The following DLG2 variants were observed in gnomAD, a reference collection of about 807,000 sequenced individuals.
The protein encoded by DLG2 is disks large homolog 2.
DLG2 carries 45 observed loss-of-function variants against 132.5 expected under a neutral mutation model. That is an observed-to-expected ratio of 0.34 (90% CI 0.27 to 0.44). The LOEUF (loss-of-function observed/expected upper bound fraction) is 0.44, where lower values mean the gene tolerates loss of function less well. Ranked by LOEUF, DLG2 falls within the 20% of genes least tolerant of loss-of-function variation. The pLI, the probability that DLG2 is intolerant of heterozygous loss-of-function variation, is 1.00. For synonymous variants in DLG2, 424 were observed against 419.6 expected (o/e 1.01, Z -0.13); for missense variants, 1,045 against 1,196.9 (o/e 0.87, Z 1.87).
Position 83,668,871 on chromosome 11 carries a change from T to A in DLG2, c.1826-35546A>T, listed in dbSNP as rs556765008. ...CACACATATATATATATATATATTT[T>A]TTTTTTATGATAGACTATGAGCTTC... On this transcript the variant is annotated intron_variant, in intron 18 of 27. Coordinates refer to ENST00000376104, the MANE Select transcript of DLG2 (RefSeq NM_001142699.3). Among the ~76,000 whole-genome samples the A allele has an allele frequency of 2.1e-4, 31 of 146,312 alleles. 2 individuals carry two copies. In the South Asian group the frequency reaches 2.3e-3, roughly 11 times the overall value.
In DLG2 at chr11:84,106,358, A is replaced by T. The variant is rs577108310; in HGVS notation, c.625-7311T>A. On this transcript the variant is annotated intron_variant, in intron 9 of 27. Coordinates refer to ENST00000376104, the MANE Select transcript of DLG2 (RefSeq NM_001142699.3). Reference sequence around the variant, plus strand: ...CTGTCTCATGTTACGATATCTAAAGATGAACAGCCCCAGGTCTATTACTAG... The same window carrying T: ...CTGTCTCATGTTACGATATCTAAAGTTGAACAGCCCCAGGTCTATTACTAG... 5.9e-5 allele frequency among the ~76,000 whole-genome samples: 9 copies of T among 152,296 alleles called. 1 individual carries two copies. The highest frequency in any genetic ancestry group is 2.2e-4 in the African/African-American group (9 of 41,576).
intron 7 of DLG2, among the ~76,000 whole-genome samples, chr11:84,398,228 G>T (rs2098817422): frequency 6.6e-6 from 1 of 152,146 alleles, no homozygotes; most frequent in Non-Finnish European, 1.5e-5. Context: ...ACCTGCAGAG[G>T]GAGTGCTGGC....
At chr11:83,557,394 C>T (rs75077487) in intron 19 of DLG2, among the ~76,000 whole-genome samples, 2,534 of 152,190 alleles carry the variant, frequency 0.017, 91 homozygotes, top group African/African-American at 0.058. Context: ...AACCACAGAG[C>T]GAAGGGAAAA....
At chr11:83,928,490 C>T (rs1000394690) in intron 15 of DLG2, among the ~76,000 whole-genome samples, 18 of 150,836 alleles carry the variant, frequency 1.2e-4, no homozygotes, top group Non-Finnish European at 7.4e-5. Flanking sequence ...AAAAGGAACA[C>T]AGGATAAAAA....
At chr11:84,305,566 G>C (rs2098207272) in intron 7 of DLG2, among the ~76,000 whole-genome samples, 1 of 152,088 alleles carries the variant, frequency 6.6e-6, no homozygotes, top group African/African-American at 2.4e-5. Flanking sequence ...TGTCAAAATA[G>C]GGCATGCCAG....
intron 6 of DLG2, among the ~76,000 whole-genome samples, chr11:84,701,398 A>C (rs567412239): frequency 2.0e-5 from 3 of 151,640 alleles, no homozygotes; most frequent in African/African-American, 7.2e-5. Context: ...GCCTTTCTTC[A>C]TTCAAGTTAT....
chr11:84,111,213 T>C (rs1393376618), intron 9 of DLG2, among the ~76,000 whole-genome samples: 1 of 152,248 alleles, frequency 6.6e-6, no homozygotes. Context: ...AATCCTTGTA[T>C]AAACTGAATT....
At chr11:84,473,047 C>T (rs963355314) in intron 7 of DLG2, among the ~76,000 whole-genome samples, 3 of 151,900 alleles carry the variant, frequency 2.0e-5, no homozygotes, top group African/African-American at 7.2e-5. Context: ...TGTGTCTAGT[C>T]TAATCTCCTT....
At position 85,358,593 on chromosome 11, in the gene DLG2, C is replaced by T. The variant is rs539616480; in HGVS notation, c.41-73228G>A. Among the ~76,000 whole-genome samples the T allele has an allele frequency of 1.4e-4, 21 of 152,334 alleles. No homozygotes were observed. In the South Asian group the frequency reaches 4.3e-3, roughly 32 times the overall value. On this transcript the variant is annotated intron_variant, in intron 3 of 27. Coordinates refer to ENST00000376104, the MANE Select transcript of DLG2 (RefSeq NM_001142699.3). ...GTGTTCAAGGCAAAGACTATAAAAT[C>T]AGAGCCAGTATAATTTAGCACATGC...
Position 85,285,407 on chromosome 11 carries a change from G to A in DLG2, c.41-42C>T, listed in dbSNP as rs751689886. 4 of 1,586,288 alleles carry A rather than the reference G, an allele frequency of 2.5e-6. No homozygotes were observed. The South Asian group carries it at 3.4e-5, about 13-fold the overall frequency. On this transcript the variant is annotated intron_variant, in intron 3 of 27. Coordinates refer to ENST00000376104, the MANE Select transcript of DLG2 (RefSeq NM_001142699.3). ...AGGAAAGCATCAAAATGTAATGCATGACTTCATAAATAGCTTCTGCATATA... is the reference window on the plus strand; with the variant it reads ...AGGAAAGCATCAAAATGTAATGCATAACTTCATAAATAGCTTCTGCATATA...
intron 7 of DLG2, among the ~76,000 whole-genome samples, chr11:84,299,773 C>G (rs933797125): frequency 1.3e-5 from 2 of 152,188 alleles, no homozygotes; most frequent in African/African-American, 4.8e-5. Context: ...AACGTACTTA[C>G]AGTCTTCAAC....
At chr11:84,619,190 A>C (rs1275056219) in intron 6 of DLG2, among the ~76,000 whole-genome samples, 2 of 151,930 alleles carry the variant, frequency 1.3e-5, no homozygotes, top group Admixed American at 6.6e-5. Flanking sequence ...TCTAGATATT[A>C]TTAAATCAGA....
intron 6 of DLG2, among the ~76,000 whole-genome samples, chr11:84,562,343 GA>G (rs1286587566): frequency 6.6e-6 from 1 of 151,668 alleles, no homozygotes; most frequent in Admixed American, 6.6e-5. Flanking sequence ...TTTTTAAAAA[GA>G]AAAAAAATTG....
chr11:84,800,660 A>AAAT (rs2075254732), intron 6 of DLG2: 1 of 152,144 alleles, frequency 6.6e-6, no homozygotes, highest in African/African-American at 2.4e-5. Flanking sequence ...ATAAGGCATA[A>AAAT]AATATTATTT....
At chr11:84,042,369 TG>T (rs1341818750) in intron 11 of DLG2, among the ~76,000 whole-genome samples, 1 of 151,856 alleles carries the variant, frequency 6.6e-6, no homozygotes, top group Non-Finnish European at 1.5e-5. Flanking sequence ...CTCTCATTAT[TG>T]TTCTTTTTAT....
intron 15 of DLG2, among the ~76,000 whole-genome samples, chr11:83,907,797 A>G (rs996817232): frequency 6.6e-6 from 1 of 152,152 alleles, no homozygotes; most frequent in African/African-American, 2.4e-5. Context: ...CCTGGAATTT[A>G]AGGCCCTCCA....
rs73511078 is a variant in DLG2, at chr11:83,779,894, C to G, written c.1825+6796G>C. 7.7e-3 allele frequency among the ~76,000 whole-genome samples: 1,172 copies of G among 152,240 alleles called. 14 individuals carry two copies. The highest frequency in any genetic ancestry group is 0.027 in the African/African-American group (1,125 of 41,560). The stretch of plus-strand genomic sequence containing the variant: ...GCGACAAAACTTTCAAGTAATGAAA[C>G]TTATGCTTCTATCTCACCTAAGTTG... On this transcript the variant is annotated intron_variant, in intron 18 of 27. Coordinates refer to ENST00000376104, the MANE Select transcript of DLG2 (RefSeq NM_001142699.3).
intron 3 of DLG2, among the ~76,000 whole-genome samples, chr11:85,465,119 A>AAAAAAAAAAAAAG (rs2092739932): frequency 3.2e-5 from 4 of 124,764 alleles, no homozygotes; most frequent in Non-Finnish European, 5.2e-5. Context: ...AAAAAAAAAA[A>AAAAAAAAAAAAAG]GAAGCAAGAT....
intron 22 of DLG2, among the ~76,000 whole-genome samples, chr11:83,480,825 C>CT (rs2093044058): frequency 6.6e-6 from 1 of 152,124 alleles, no homozygotes; most frequent in Non-Finnish European, 1.5e-5. Flanking sequence ...TTCTTGCAGG[C>CT]TTTTTTATTT....
Sources: gnomAD v4.1 joint callset for allele counts (sites outside exome capture counted in the v4.1 genomes callset) on GRCh38, gnomAD v4.1.1 for gene constraint, MANE v1.5 for transcripts, NCBI Gene and HGNC (gene_info 2026-07-23, HGNC 2026-07-21) for gene names.